The following GAD2 variants were observed in gnomAD, a reference collection of about 807,000 sequenced individuals.
GAD2 encodes 65 kDa glutamic acid decarboxylase.
GAD2 carries 22 observed loss-of-function variants against 80.1 expected under a neutral mutation model. That is an observed-to-expected ratio of 0.27 (90% CI 0.20 to 0.39). GAD2 has a LOEUF of 0.39. Among genes scored for constraint, GAD2 ranks in the 10% least tolerant of loss-of-function variants. The probability of loss-of-function intolerance (pLI) is 1.00; values close to 1 mark genes in which losing one functional copy is unlikely to be tolerated. For synonymous variants in GAD2, 274 were observed against 256.9 expected (o/e 1.07, Z -0.64); for missense variants, 624 against 738.4 (o/e 0.85, Z 1.80).
intron 8 of GAD2, among the ~76,000 whole-genome samples, chr10:26,246,543 G>T (rs549246705): frequency 5.9e-5 from 9 of 152,208 alleles, no homozygotes; most frequent in African/African-American, 2.2e-4. Context: ...GAATGTCCAC[G>T]TAAAGTATCA....
At chr10:26,221,822 T>C (rs1424725736) in intron 4 of GAD2, among the ~76,000 whole-genome samples, 1 of 152,200 alleles carries the variant, frequency 6.6e-6, no homozygotes, top group Non-Finnish European at 1.5e-5. Flanking sequence ...GCTGACGCAG[T>C]GCGCTCTGCT....
chr10:26,249,818 G>A (rs1844857029), intron 8 of GAD2, among the ~76,000 whole-genome samples: 1 of 152,162 alleles, frequency 6.6e-6, no homozygotes, highest in Non-Finnish European at 1.5e-5. Flanking sequence ...AGGCCTAGAA[G>A]AAGGAAGACC....
At chr10:26,257,348 G>C (rs546159714) in intron 8 of GAD2, among the ~76,000 whole-genome samples, 2 of 152,240 alleles carry the variant, frequency 1.3e-5, no homozygotes, top group Non-Finnish European at 2.9e-5. Context: ...CTGCCCTCCA[G>C]CCTGGGAGAC....
intron 6 of GAD2, among the ~76,000 whole-genome samples, chr10:26,225,928 A>G (rs764263761): frequency 1.4e-4 from 22 of 152,300 alleles, no homozygotes; most frequent in Non-Finnish European, 2.9e-4. Flanking sequence ...GAGCTTGGTC[A>G]TCATTGCCTG....
chr10:26,239,112 A>G (rs990638749), intron 7 of GAD2, among the ~76,000 whole-genome samples: 3 of 152,200 alleles, frequency 2.0e-5, no homozygotes, highest in Admixed American at 1.3e-4. Flanking sequence ...CACACCCACT[A>G]ATTCCACCCA....
chr10:26,269,455 C>T (rs2132304164), intron 9 of GAD2, among the ~76,000 whole-genome samples: 1 of 152,332 alleles, frequency 6.6e-6, no homozygotes, highest in South Asian at 2.1e-4. Flanking sequence ...GAAACACCCA[C>T]ACATTTGAAA....
At chr10:26,299,700 C>T (rs1450593272) in intron 15 of GAD2, among the ~76,000 whole-genome samples, 1 of 152,090 alleles carries the variant, frequency 6.6e-6, no homozygotes, top group East Asian at 1.9e-4. Context: ...AATGTATTTG[C>T]TTGAAAGTAA....
intron 11 of GAD2, among the ~76,000 whole-genome samples, chr10:26,276,736 T>C (rs1311845306): frequency 6.6e-6 from 1 of 152,214 alleles, no homozygotes; most frequent in Non-Finnish European, 1.5e-5. Context: ...CACAGGCTGC[T>C]GCTTACCGTA....
Sources: gnomAD v4.1 joint callset for allele counts (sites outside exome capture counted in the v4.1 genomes callset) on GRCh38, gnomAD v4.1.1 for gene constraint, MANE v1.5 for transcripts, NCBI Gene and HGNC (gene_info 2026-07-23, HGNC 2026-07-21) for gene names.